The following TRIM66 variants were observed in gnomAD, a reference collection of about 807,000 sequenced individuals.
The protein encoded by TRIM66 is tripartite motif-containing protein 66.
Under a neutral mutation model 148.2 loss-of-function variants are expected in TRIM66, and 99 were observed. The ratio of observed to expected loss-of-function variants is 0.67; its 90% CI spans 0.57 to 0.79. TRIM66 has a LOEUF of 0.79. TRIM66 is among the 30% of genes least tolerant of loss of function. The pLI is 0.00. For synonymous variants in TRIM66, 616 were observed against 635.9 expected (o/e 0.97, Z 0.47); for missense variants, 1,666 against 1,697.9 (o/e 0.98, Z 0.33).
chr11:8,645,918 T>G, intron 11 of TRIM66, 31 bp from the exon 12 acceptor site: 1 of 1,548,830 alleles, frequency 6.5e-7, no homozygotes, highest in Non-Finnish European at 8.7e-7. Flanking sequence ...GAGTCCTTGA[T>G]CCTGTTACTG....
At chr11:8,637,001 C>G (rs2035937868) in intron 15 of TRIM66, among the ~76,000 whole-genome samples, 1 of 152,156 alleles carries the variant, frequency 6.6e-6, no homozygotes, top group Non-Finnish European at 1.5e-5. Flanking sequence ...CCCTAGTTGC[C>G]ATTCCTTTTG....
Position 8,624,519 on chromosome 11 carries a change from G to C in TRIM66, c.2859C>G (p.Asp953Glu). The C allele has an allele frequency of 6.5e-7, 1 of 1,536,850 alleles. No individual in the cohort carries two copies. Among genetic ancestry groups the C allele is most frequent in the Non-Finnish European group, 8.7e-7 (1 of 1,142,878 alleles). ...MESEDSTRFT[D>E]LLGQGPIVPG... ...GGACTATGGGACCTTGTCCCAGTAA[G>C]TCAGTGAAGCGAGTGGAATCCTCAC... Residue 953 changes from aspartate (D) to glutamate (E), a missense_variant, in exon 17 of 25, where the codon GAC becomes GAG. By Grantham distance (45) the Asp-to-Glu change is conservative (BLOSUM62 2). Coordinates refer to ENST00000646038, the MANE Select transcript of TRIM66 (RefSeq NM_001388022.1).
At chr11:8,664,437 G>A (rs1477219007) in intron 6 of TRIM66, among the ~76,000 whole-genome samples, 2 of 152,184 alleles carry the variant, frequency 1.3e-5, no homozygotes, top group Non-Finnish European at 2.9e-5. Flanking sequence ...TTGAAGACAG[G>A]TGAACCTGAA....
At chr11:8,629,572 G>A (rs896107424) in intron 15 of TRIM66, among the ~76,000 whole-genome samples, 9 of 152,140 alleles carry the variant, frequency 5.9e-5, no homozygotes, top group African/African-American at 2.2e-4. Flanking sequence ...GTGGGAAATT[G>A]GCTCTCCTGT....
rs961224711 is a variant in TRIM66, at chr11:8,682,608, G to C, written c.-555C>G. 1 of 625,754 alleles carries C rather than the reference G, an allele frequency of 1.6e-6. No individual in the cohort carries two copies. Among genetic ancestry groups the C allele is most frequent in the African/African-American group, 1.9e-5 (1 of 53,370 alleles). 38.8% of individuals were successfully genotyped at this position (625,754 alleles called of 1,614,324 possible). A position where few individuals can be genotyped will look rare whatever the true frequency, so the allele number is the denominator to read the frequency against. Reference sequence around the variant, plus strand: ...TAGCACAACGAGCCTCACCGAAACCGTACACCGCCACCAGGACACTCCGTG... The same window carrying C: ...TAGCACAACGAGCCTCACCGAAACCCTACACCGCCACCAGGACACTCCGTG... On this transcript the variant is annotated 5_prime_UTR_variant, in exon 1 of 25. Transcript: ENST00000646038.
intron 6 of TRIM66, among the ~76,000 whole-genome samples, chr11:8,661,551 T>C (rs2038256896): frequency 6.6e-6 from 1 of 152,192 alleles, no homozygotes; most frequent in Admixed American, 6.5e-5. Flanking sequence ...CAGAGAGTCA[T>C]TTGGGGAACC....
At chr11:8,644,420 T>C (rs1449924113) in intron 12 of TRIM66, 8 of 454,642 alleles carry the variant, frequency 1.8e-5, no homozygotes, top group Non-Finnish European at 2.7e-5. Context: ...AACCCTCTTA[T>C]TATCACCTCC....
At chr11:8,645,956 T>C in intron 11 of TRIM66, 69 bp from the exon 12 acceptor site, 1 of 1,473,290 alleles carries the variant, frequency 6.8e-7, no homozygotes, top group Non-Finnish European at 9.2e-7. Flanking sequence ...TTGGGAAGTC[T>C]GGTGGCTTGT....
At chr11:8,673,244 G>A (rs1008741395) in intron 4 of TRIM66, among the ~76,000 whole-genome samples, 6 of 152,014 alleles carry the variant, frequency 3.9e-5, no homozygotes, top group African/African-American at 1.2e-4. Flanking sequence ...CTTAATTAGT[G>A]AAATGTTCTT....
rs1428231212 is a variant in TRIM66 at position 8,672,403 on chromosome 11, A to G, written c.-111-18T>C. ...AGCTTGACCTAAGTTTCAATTTTGG[A>G]AAAAGGAAGAAAATTGCATTATTGA... On this transcript the variant is annotated intron_variant, in intron 4 of 24. Coordinates refer to ENST00000646038, the MANE Select transcript of TRIM66 (RefSeq NM_001388022.1). The G allele has an allele frequency of 6.7e-7, 1 of 1,487,160 alleles. No individual in the cohort carries two copies. Among genetic ancestry groups the G allele is most frequent in the Admixed American group, 2.4e-5 (1 of 41,888 alleles). The allele number at this position is 1,487,160 out of a possible 1,614,324, so 92.1% of individuals were successfully genotyped here.
chr11:8,682,725 G>A (rs1214197525), upstream of TRIM66: 3 of 1,539,342 alleles, frequency 1.9e-6, no homozygotes, highest in African/African-American at 1.4e-5. Flanking sequence ...CGGCCTCTGT[G>A]ACCGGAAGTG....
intron 11 of TRIM66, among the ~76,000 whole-genome samples, 172 bp from the exon 12 acceptor site, chr11:8,646,059 G>A (rs1759803687): frequency 6.6e-6 from 1 of 152,172 alleles, no homozygotes; most frequent in Non-Finnish European, 1.5e-5. Flanking sequence ...GAAAAGGGGA[G>A]GGGGAGATGG....
At chr11:8,642,628 CGT>C in intron 13 of TRIM66, among the ~76,000 whole-genome samples, 1 of 152,176 alleles carries the variant, frequency 6.6e-6, no homozygotes, top group Non-Finnish European at 1.5e-5. Context: ...TGTGCCCACA[CGT>C]GTATACCTTT....
Position 8,618,874 on chromosome 11 carries a change from G to A in TRIM66, c.3995C>T (p.Pro1332Leu). ...CTCGGAGTCTGAGTCCTCCTGCCTT[G>A]GCTGGGCAAACCGTTTCTCCGGGTA... ...EIYPEKRFAQ[P>L]RQEDSDSEEV... is the part of the protein sequence containing the mutation. The change falls in exon 24 of 25, where the codon CCA (proline) becomes CTA (leucine). Residue 1332 changes from proline to leucine, a missense_variant. Around this residue, in one of 3 missense-constraint regions of TRIM66, gnomAD observed 204 missense variants for 231.0 expected, o/e 0.88. Coordinates refer to ENST00000646038, the MANE Select transcript of TRIM66 (RefSeq NM_001388022.1). The A allele has an allele frequency of 1.3e-6, 2 of 1,551,388 alleles. No homozygotes were observed. The highest frequency in any genetic ancestry group is 1.7e-6 in the Non-Finnish European group (2 of 1,146,960).
At chr11:8,681,723 T>TA (rs963513568) in intron 1 of TRIM66, among the ~76,000 whole-genome samples, 9 of 151,364 alleles carry the variant, frequency 5.9e-5, no homozygotes, top group African/African-American at 1.5e-4. Flanking sequence ...GAGTGTGGAT[T>TA]AAAAAAAACA....
intron 13 of TRIM66, among the ~76,000 whole-genome samples, chr11:8,641,711 G>A (rs1436959057): frequency 1.3e-5 from 2 of 152,152 alleles, no homozygotes; most frequent in Non-Finnish European, 2.9e-5. Flanking sequence ...CCCCAGTGTT[G>A]GAGGTGGGGC....
Position 8,646,430 on chromosome 11 carries a change from C to G in TRIM66, c.957+17G>C, listed in dbSNP as rs2036853174. The G allele has an allele frequency of 4.5e-6, 7 of 1,545,424 alleles. No homozygotes were observed. The highest frequency in any genetic ancestry group is 6.1e-6 in the Non-Finnish European group (7 of 1,140,926). Reference sequence around the variant, plus strand: ...GGTTTCTGAACCCAACCATCTGATCCATCTGTCTATACATACCTCTAATTC... The same window carrying G: ...GGTTTCTGAACCCAACCATCTGATCGATCTGTCTATACATACCTCTAATTC... On this transcript the variant is annotated intron_variant, in intron 11 of 24. Transcript: ENST00000646038.
chr11:8,643,207 C>G (rs934036942), intron 12 of TRIM66, 81 bp from the exon 13 acceptor site: 2 of 1,226,802 alleles, frequency 1.6e-6, no homozygotes, highest in Admixed American at 2.2e-5. Flanking sequence ...TTTGGACAAG[C>G]TGAAAGGCTC....
Position 8,625,142 on chromosome 11 carries a change from T to C in TRIM66, c.2397A>G (p.Pro799=). ...SSTRLERPLE[P]QIQSVSNLTA... is the part of the protein sequence containing the mutation. ...TCAGGTTGCTCACACTCTGGATCTG[T>C]GGCTCTAGGGGCCTCTCCAACCTGG... Residue 799 remains proline, a synonymous_variant, in exon 16 of 25, where the codon CCA becomes CCG. Coordinates refer to ENST00000646038, the MANE Select transcript of TRIM66 (RefSeq NM_001388022.1). The C allele has an allele frequency of 2.6e-6, 4 of 1,550,546 alleles. No individual in the cohort carries two copies. Among genetic ancestry groups the C allele is most frequent in the Non-Finnish European group, 2.6e-6 (3 of 1,146,198 alleles).
Sources: gnomAD v4.1 joint callset for allele counts (sites outside exome capture counted in the v4.1 genomes callset) on GRCh38, gnomAD v4.1.1 for gene constraint, gnomAD v4.1.1 regional missense constraint, MANE v1.5 for transcripts, NCBI Gene and HGNC (gene_info 2026-07-23, HGNC 2026-07-21) for gene names.